The following PARPBP variants were observed in gnomAD, a reference collection of about 807,000 sequenced individuals.
PARPBP encodes the protein PARP1 binding protein.
A neutral mutation model predicts 50.0 loss-of-function variants in PARPBP; 52 were observed. The ratio of observed to expected loss-of-function variants is 1.04; its 90% CI spans 0.83 to 1.31. The LOEUF (loss-of-function observed/expected upper bound fraction) is 1.31. Among genes scored for constraint, PARPBP ranks in the 50% most tolerant of loss-of-function variants. The pLI is 0.00. For synonymous variants in PARPBP, 244 were observed against 232.1 expected (o/e 1.05, Z -0.47); for missense variants, 697 against 672.0 (o/e 1.04, Z -0.41).
At position 102,197,183 on chromosome 12, in the gene PARPBP, A is replaced by G; in HGVS notation, c.*892A>G. 6.2e-7 allele frequency: 1 copy of G among 1,604,362 alleles called. No homozygotes were observed. The highest frequency in any genetic ancestry group is 1.1e-5 in the South Asian group (1 of 90,556). On this transcript the variant is annotated 3_prime_UTR_variant, in exon 11 of 11. Transcript: ENST00000327680. Reference sequence around the variant, plus strand: ...TTGGAGCCTGTGTTCTGTAAAGAGAAGGTTGATTTGGTTTTTAGCTATCGT... The same window carrying G: ...TTGGAGCCTGTGTTCTGTAAAGAGAGGGTTGATTTGGTTTTTAGCTATCGT...
At chr12:102,152,902 T>A (rs2138987851) in intron 3 of PARPBP, among the ~76,000 whole-genome samples, 1 of 143,744 alleles carries the variant, frequency 7.0e-6, no homozygotes, top group South Asian at 2.2e-4. Context: ...ATGAAGTACT[T>A]AGTAATTTTC....
chr12:102,182,691 A>G, intron 9 of PARPBP, 64 bp downstream of exon 9: 5 of 1,069,594 alleles, frequency 4.7e-6, no homozygotes, highest in South Asian at 4.0e-5. Flanking sequence ...AAATAAATAC[A>G]TGAAGCTGAG....
chr12:102,161,892 A>G (rs1315654130), intron 4 of PARPBP, among the ~76,000 whole-genome samples: 1 of 152,220 alleles, frequency 6.6e-6, no homozygotes, highest in Non-Finnish European at 1.5e-5. Flanking sequence ...CTGAAAAGGT[A>G]ACATTTACTT....
chr12:102,154,552 CTT>C (rs1487110728), intron 4 of PARPBP, among the ~76,000 whole-genome samples: 3 of 152,108 alleles, frequency 2.0e-5, no homozygotes, highest in Non-Finnish European at 4.4e-5. Flanking sequence ...TTTTTTCTCT[CTT>C]GCCCAAATTC....
chr12:102,157,848 C>T (rs968908470), intron 4 of PARPBP, among the ~76,000 whole-genome samples: 4 of 151,876 alleles, frequency 2.6e-5, no homozygotes, highest in East Asian at 1.9e-4. Flanking sequence ...TGGCCAGGCA[C>T]GGTGGCTCAC....
At chr12:102,147,632 G>A (rs1024810337) in intron 2 of PARPBP, among the ~76,000 whole-genome samples, 2 of 151,814 alleles carry the variant, frequency 1.3e-5, no homozygotes, top group African/African-American at 4.8e-5. Context: ...GAGTTAATGG[G>A]TGCGGCGCAC....
rs374062595 is a variant in PARPBP at position 102,159,189 on chromosome 12, G to A, written c.495+5213G>A. Among the ~76,000 whole-genome samples the A allele has an allele frequency of 2.9e-4, 44 of 152,286 alleles. 1 individual carries two copies. The East Asian group carries it at 8.1e-3, about 28-fold the overall frequency. ...TCTGTCACCCAGGCTGGAGTGCAGTGGTGTGATCTCAGCTCACTGCAACCT... is the reference window on the plus strand; with the variant it reads ...TCTGTCACCCAGGCTGGAGTGCAGTAGTGTGATCTCAGCTCACTGCAACCT... On this transcript the variant is annotated intron_variant, in intron 4 of 10. Transcript: ENST00000327680.
In PARPBP at chr12:102,149,255, C is replaced by T. The variant is rs550050798; in HGVS notation, c.387+792C>T. On this transcript the variant is annotated intron_variant, in intron 3 of 10. Transcript: ENST00000327680. ...CAATACTTGAGAACAGTGTTTTAGC[C>T]GATTATAATAGAAACCTCCACTACA... 5.3e-5 allele frequency among the ~76,000 whole-genome samples: 8 copies of T among 151,846 alleles called. No individual in the cohort carries two copies. In the East Asian group the frequency reaches 1.2e-3, roughly 22 times the overall value.
At chr12:102,120,877 G>A (rs1880947537) in intron 1 of PARPBP, among the ~76,000 whole-genome samples, 1 of 152,204 alleles carries the variant, frequency 6.6e-6, no homozygotes, top group Non-Finnish European at 1.5e-5. Flanking sequence ...GCCTGGAAGT[G>A]ATATCTGACT....
intron 3 of PARPBP, chr12:102,151,659 A>G (rs1485786796): frequency 1.3e-6 from 2 of 1,535,682 alleles, no homozygotes; most frequent in Non-Finnish European, 1.7e-6. Flanking sequence ...CACCAGTGTC[A>G]GCCTCATTGA....
At chr12:102,169,654 T>C (rs1190827582) in intron 6 of PARPBP, among the ~76,000 whole-genome samples, 1 of 152,222 alleles carries the variant, frequency 6.6e-6, no homozygotes, top group Admixed American at 6.5e-5. Flanking sequence ...CCTTTTCACG[T>C]GTCACTGAGT....
intron 1 of PARPBP, among the ~76,000 whole-genome samples, chr12:102,121,640 G>A (rs1235706212): frequency 3.0e-5 from 4 of 134,870 alleles, no homozygotes; most frequent in African/African-American, 8.3e-5. Flanking sequence ...TGCAACTTCC[G>A]CCTCCCTGGT....
chr12:102,196,411 G>A lies in PARPBP; in HGVS notation c.*120G>A. On this transcript the variant is annotated 3_prime_UTR_variant, in exon 11 of 11. Transcript: ENST00000327680. ...TTTATTATTTTGGTCTACAGTGTAT[G>A]TAAGGTTAGTATGTTAAGCATTGTT... 1.3e-6 allele frequency: 1 copy of A among 760,626 alleles called. No homozygotes were observed. The highest frequency in any genetic ancestry group is 2.2e-6 in the Non-Finnish European group (1 of 462,304). The allele number at this position is 760,626 out of a possible 1,614,324, so 47.1% of individuals were successfully genotyped here.
At chr12:102,189,332 G>A (rs1411254027) in intron 9 of PARPBP, among the ~76,000 whole-genome samples, 1 of 152,214 alleles carries the variant, frequency 6.6e-6, no homozygotes, top group Non-Finnish European at 1.5e-5. Flanking sequence ...AGACTGTAAA[G>A]CTTTGTTCTA....
At chr12:102,144,186 A>C (rs889051874) in intron 2 of PARPBP, among the ~76,000 whole-genome samples, 2 of 152,152 alleles carry the variant, frequency 1.3e-5, no homozygotes, top group Non-Finnish European at 2.9e-5. Flanking sequence ...ATGACAACAA[A>C]ATGTCTAGTC....
chr12:102,123,114 A>T (rs566236072), intron 1 of PARPBP, among the ~76,000 whole-genome samples: 2 of 152,286 alleles, frequency 1.3e-5, no homozygotes, highest in South Asian at 4.1e-4. Context: ...CTTATTAGAG[A>T]CTTAATGCCC....
At position 102,124,163 on chromosome 12, in the gene PARPBP, A is replaced by T. The variant is rs1265641461; in HGVS notation, c.153+122A>T. The T allele has an allele frequency of 5.9e-6, 4 of 682,110 alleles. No homozygotes were observed. In the East Asian group the frequency reaches 1.1e-4, roughly 19 times the overall value. The allele number at this position is 682,110 out of a possible 1,614,324, so 42.3% of individuals were successfully genotyped here. On this transcript the variant is annotated intron_variant, in intron 2 of 10. Transcript: ENST00000327680. ...ACATTATGTGCCCTTCTGTGATAATACACCATTTTCACAAATGCCTCTGTG... is the reference window on the plus strand; with the variant it reads ...ACATTATGTGCCCTTCTGTGATAATTCACCATTTTCACAAATGCCTCTGTG...
chr12:102,196,189 A>T lies in PARPBP; in HGVS notation c.1638A>T (p.Arg546Ser). The T allele has an allele frequency of 6.2e-7, 1 of 1,612,048 alleles. No individual in the cohort carries two copies. Among genetic ancestry groups the T allele is most frequent in the Non-Finnish European group, 8.5e-7 (1 of 1,178,592 alleles). Reference sequence around the variant, plus strand: ...AGAAATCAAATGATTCACAGAATAGATTGTACGGCAAACTAGCTAAAGTAG... The same window carrying T: ...AGAAATCAAATGATTCACAGAATAGTTTGTACGGCAAACTAGCTAAAGTAG... ...IPKKSNDSQNRLYGKLAKVAK... is the reference protein window; with the variant it reads ...IPKKSNDSQNSLYGKLAKVAK... The change falls in exon 11 of 11, where the codon AGA becomes AGT. Residue 546 changes from arginine to serine, a missense_variant. By Grantham distance (110) the Arg-to-Ser change is moderately radical (BLOSUM62 -1). Coordinates refer to ENST00000327680, the MANE Select transcript of PARPBP (RefSeq NM_017915.5).
At chr12:102,123,446 A>G (rs976715464) in intron 1 of PARPBP, among the ~76,000 whole-genome samples, 1 of 151,838 alleles carries the variant, frequency 6.6e-6, no homozygotes, top group African/African-American at 2.4e-5. Context: ...GGGTAGAAAA[A>G]TAGGCCACCT....
Sources: allele counts gnomAD v4.1 joint callset (sites outside exome capture counted in the v4.1 genomes callset), GRCh38; gene constraint gnomAD v4.1.1; transcripts MANE v1.5; gene names NCBI Gene and HGNC (gene_info 2026-07-23, HGNC 2026-07-21).